Variants in ANKS1B observed in about 807,000 individuals in gnomAD.
ANKS1B encodes the protein ankyrin repeat and sterile alpha motif domain-containing protein 1B.
In ANKS1B, 36 loss-of-function variants were observed where a neutral mutation model predicts 148.3. The observed-to-expected ratio is 0.24, with a 90% CI of 0.19 to 0.32. The LOEUF (loss-of-function observed/expected upper bound fraction) is 0.32, where lower values mean the gene tolerates loss of function less well. Ranked by LOEUF, ANKS1B falls within the 10% of genes least tolerant of loss-of-function variation. The probability of loss-of-function intolerance (pLI) is 1.00; values close to 1 mark genes in which losing one functional copy is unlikely to be tolerated. For synonymous variants in ANKS1B, 542 were observed against 560.8 expected (o/e 0.97, Z 0.47); for missense variants, 1,157 against 1,542.6 (o/e 0.75, Z 4.19).
chr12:99,975,114 C>T (rs1214185471), intron 1 of ANKS1B, among the ~76,000 whole-genome samples: 1 of 151,396 alleles, frequency 6.6e-6, no homozygotes, highest in Non-Finnish European at 1.5e-5. Flanking sequence ...GATTGCACCA[C>T]AGCACCCCGG....
chr12:99,531,815 C>T (rs1241847600), intron 9 of ANKS1B, among the ~76,000 whole-genome samples: 1 of 152,146 alleles, frequency 6.6e-6, no homozygotes, highest in East Asian at 1.9e-4. Context: ...TTCACATTCC[C>T]ACCAACAGTT....
intron 12 of ANKS1B, among the ~76,000 whole-genome samples, chr12:99,258,129 C>A (rs933225678): frequency 1.3e-5 from 2 of 152,114 alleles, no homozygotes; most frequent in Non-Finnish European, 2.9e-5. Flanking sequence ...TATTAGGAAT[C>A]AAAAGTTTTT....
chr12:99,743,437 T>C lies in ANKS1B; in HGVS notation c.1128+29485A>G, dbSNP rs192726119. Among the ~76,000 whole-genome samples the C allele has an allele frequency of 1.8e-3, 273 of 152,334 alleles. 2 individuals are homozygous for C. The highest frequency in any genetic ancestry group is 5.6e-3 in the African/African-American group (231 of 41,572). On this transcript the variant is annotated intron_variant, in intron 8 of 26. Transcript: ENST00000683438. Reference sequence around the variant, plus strand: ...TACAAGTTACTTCTAAAACTAAGTCTATTTCTAAAACCACATTTTGGAATG... The same window carrying C: ...TACAAGTTACTTCTAAAACTAAGTCCATTTCTAAAACCACATTTTGGAATG...
chr12:99,378,603 C>T (rs1593450829), intron 12 of ANKS1B, among the ~76,000 whole-genome samples: 1 of 145,096 alleles, frequency 6.9e-6, no homozygotes, highest in African/African-American at 2.5e-5. Flanking sequence ...TGCAGTGAGC[C>T]GAGATCACGC....
chr12:98,846,042 ATTT>A (rs1265747197), intron 17 of ANKS1B, among the ~76,000 whole-genome samples: 1 of 148,522 alleles, frequency 6.7e-6, no homozygotes, highest in Admixed American at 6.8e-5. Flanking sequence ...ATATATGTAT[ATTT>A]TGTTCTTTCC....
At chr12:99,566,804 C>T (rs990060040) in intron 9 of ANKS1B, among the ~76,000 whole-genome samples, 8 of 152,264 alleles carry the variant, frequency 5.3e-5, no homozygotes, top group African/African-American at 1.4e-4. Context: ...ACATCTATTG[C>T]TTATAATTTT....
chr12:99,470,749 C>T (rs2096228451), intron 10 of ANKS1B, among the ~76,000 whole-genome samples: 1 of 152,028 alleles, frequency 6.6e-6, no homozygotes. Flanking sequence ...ACATTTTACT[C>T]AAAATGTCAG....
chr12:99,578,511 A>G (rs2097539778), intron 9 of ANKS1B, among the ~76,000 whole-genome samples: 1 of 152,182 alleles, frequency 6.6e-6, no homozygotes, highest in Non-Finnish European at 1.5e-5. Flanking sequence ...AAGTTTCAGA[A>G]TACAAAATTT....
intron 17 of ANKS1B, among the ~76,000 whole-genome samples, chr12:98,972,797 A>G (rs967592316): frequency 9.2e-5 from 14 of 152,194 alleles, no homozygotes; most frequent in African/African-American, 3.4e-4. Context: ...TTTCAATATC[A>G]TCTGCTCCTA....
intron 16 of ANKS1B, among the ~76,000 whole-genome samples, chr12:99,081,344 T>C (rs1334712930): frequency 2.0e-5 from 3 of 152,198 alleles, no homozygotes; most frequent in Admixed American, 6.5e-5. Flanking sequence ...GTAGCAATCA[T>C]GGAATATTTC....
chr12:99,817,145 T>G (rs1261857930), intron 2 of ANKS1B, among the ~76,000 whole-genome samples: 1 of 127,014 alleles, frequency 7.9e-6, no homozygotes, highest in Non-Finnish European at 1.7e-5. Context: ...TTTTTGTATT[T>G]TAATCAAATC....
chr12:99,548,585 ATCT>A (rs2097191459), intron 9 of ANKS1B, among the ~76,000 whole-genome samples: 1 of 152,064 alleles, frequency 6.6e-6, no homozygotes, highest in African/African-American at 2.4e-5. Context: ...AAAAATGTAA[ATCT>A]TCTTGGAGAA....
chr12:99,573,845 A>G (rs1357343992), intron 9 of ANKS1B, among the ~76,000 whole-genome samples: 1 of 152,064 alleles, frequency 6.6e-6, no homozygotes, highest in African/African-American at 2.4e-5. Context: ...TGAAGTCAAT[A>G]CGTCCACCTA....
chr12:99,293,355 G>A (rs557650616), intron 12 of ANKS1B, among the ~76,000 whole-genome samples: 2 of 151,404 alleles, frequency 1.3e-5, no homozygotes, highest in Non-Finnish European at 2.9e-5. Flanking sequence ...CTGTCGGGGG[G>A]TGGGGGCTGG....
In ANKS1B at chr12:98,801,993, TG is replaced by T. The variant is rs2099008002; in HGVS notation, c.3142-869del. On this transcript the variant is annotated intron_variant, in intron 20 of 26. Transcript: ENST00000683438. This position sits in a 1 kb window ranked among gnomAD's most constrained non-coding sequence, Gnocchi z 5.2. ...AAGGCCAGTGTTGGCAGGTATTTTC[TG>T]GGCTCTACTCTGATTTACATACTAC... Among the ~76,000 whole-genome samples, 1 of 152,242 alleles carries T rather than the reference TG, an allele frequency of 6.6e-6. No individual in the cohort carries two copies. The highest frequency in any genetic ancestry group is 2.1e-4 in the South Asian group (1 of 4,832).
At chr12:98,842,411 T>A (rs768897016) in intron 17 of ANKS1B, among the ~76,000 whole-genome samples, 1 of 152,172 alleles carries the variant, frequency 6.6e-6, no homozygotes, top group Non-Finnish European at 1.5e-5. Context: ...TCAGTGGTTA[T>A]CTGGAGTAGG....
chr12:99,793,518 A>G (rs2065903325), intron 4 of ANKS1B, among the ~76,000 whole-genome samples: 1 of 152,110 alleles, frequency 6.6e-6, no homozygotes, highest in African/African-American at 2.4e-5. Context: ...AAACAAATCT[A>G]CACACCTACA....
intron 9 of ANKS1B, among the ~76,000 whole-genome samples, chr12:99,533,235 C>A (rs1347504505): frequency 3.3e-5 from 5 of 152,094 alleles, no homozygotes; most frequent in African/African-American, 1.2e-4. Context: ...CTTGGAGAGA[C>A]CTTTCACATC....
At chr12:98,942,628 C>CT (rs1307008764) in intron 17 of ANKS1B, among the ~76,000 whole-genome samples, 1 of 152,220 alleles carries the variant, frequency 6.6e-6, no homozygotes, top group Non-Finnish European at 1.5e-5. Flanking sequence ...ACTTTAAGCT[C>CT]TATGAGGGCA....
Sources: gnomAD v4.1 joint callset for allele counts (sites outside exome capture counted in the v4.1 genomes callset) on GRCh38, gnomAD v4.1.1 for gene constraint, Gnocchi (gnomAD v3.1) non-coding constraint, MANE v1.5 for transcripts, NCBI Gene and HGNC (gene_info 2026-07-23, HGNC 2026-07-21) for gene names.